NELL1: variants seen among roughly 807,000 people sequenced by gnomAD.
The protein encoded by NELL1 is protein kinase C-binding protein NELL1.
NELL1 carries 76 observed loss-of-function variants against 107.4 expected under a neutral mutation model. That is an observed-to-expected ratio of 0.71 (90% confidence interval 0.59 to 0.86). The LOEUF (loss-of-function observed/expected upper bound fraction) is 0.86. Ranked by LOEUF, NELL1 falls within the 40% of genes least tolerant of loss-of-function variation. The pLI, the probability that NELL1 is intolerant of heterozygous loss-of-function variation, is 0.00. For synonymous variants in NELL1, 353 were observed against 341.2 expected, an observed-to-expected ratio of 1.03 and a Z score of -0.38; for missense variants, 1,024 against 1,005.5, an observed-to-expected ratio of 1.02 and a Z score of -0.25.
At chr11:21,017,809 G>A (rs1016151694) in intron 12 of NELL1, among the ~76,000 whole-genome samples, 6 of 152,042 alleles carry the variant, frequency 3.9e-5, no homozygotes, top group Admixed American at 2.6e-4. Context: ...TTCTTATCAC[G>A]AGGAGCTCCC....
chr11:21,571,496 T>C (rs919949574), intron 18 of NELL1, among the ~76,000 whole-genome samples: 2 of 151,848 alleles, frequency 1.3e-5, no homozygotes, highest in African/African-American at 4.8e-5. Context: ...GAATGGGCTG[T>C]TACAAAGATT....
intron 2 of NELL1, among the ~76,000 whole-genome samples, chr11:20,711,127 T>G (rs1356204384): frequency 1.3e-5 from 2 of 152,170 alleles, no homozygotes; most frequent in African/African-American, 2.4e-5. Flanking sequence ...GATATTCTAT[T>G]TGTGCTCCTG....
chr11:21,381,357 C>T (rs1851602780), intron 15 of NELL1, among the ~76,000 whole-genome samples: 1 of 151,972 alleles, frequency 6.6e-6, no homozygotes, highest in African/African-American at 2.4e-5. Context: ...TAAGCTGCCA[C>T]TATTTACCCA....
rs577039144 is a variant in NELL1 at position 21,573,279 on chromosome 11, G to C, written c.2252G>C (p.Ser751Thr). ...LEGECCPRCV[S>T]DPCLADNITY... ...GGGGAATGTTGTCCCCGCTGTGTCAGTGACCCCTGCCTAGCTGATAACATC... is the reference window on the plus strand; with the variant it reads ...GGGGAATGTTGTCCCCGCTGTGTCACTGACCCCTGCCTAGCTGATAACATC... The change falls in exon 19 of 20, where the codon AGT becomes ACT. Residue 751 changes from serine to threonine, a missense_variant. Coordinates refer to ENST00000357134, the MANE Select transcript of NELL1 (RefSeq NM_006157.5). The C allele has an allele frequency of 6.2e-7, 1 of 1,612,538 alleles. No homozygotes were observed. Among genetic ancestry groups the C allele is most frequent in the Non-Finnish European group, 8.5e-7 (1 of 1,179,080 alleles).
intron 15 of NELL1, among the ~76,000 whole-genome samples, chr11:21,466,479 G>A (rs1470644430): frequency 6.6e-6 from 1 of 152,162 alleles, no homozygotes; most frequent in East Asian, 1.9e-4. Flanking sequence ...AAACAAGGTG[G>A]GAGCAGATGG....
chr11:21,523,876 T>A (rs904262213), intron 15 of NELL1, among the ~76,000 whole-genome samples: 1 of 152,016 alleles, frequency 6.6e-6, no homozygotes. Context: ...TTGAAAACTT[T>A]TTTCATATGT....
chr11:20,672,971 C>CT (rs1491428878), intron 1 of NELL1, among the ~76,000 whole-genome samples: 5 of 13,908 alleles, frequency 3.6e-4, no homozygotes, highest in African/African-American at 7.7e-4. Context: ...CCTGCCTCAG[C>CT]CCCCCCCCCC....
intron 14 of NELL1, among the ~76,000 whole-genome samples, chr11:21,237,265 C>A (rs980620985): frequency 6.6e-6 from 1 of 152,048 alleles, no homozygotes; most frequent in African/African-American, 2.4e-5. Flanking sequence ...AAACAACATA[C>A]ATTTTCTGTA....
chr11:21,358,204 G>A (rs996723154), intron 14 of NELL1, among the ~76,000 whole-genome samples: 2 of 152,104 alleles, frequency 1.3e-5, no homozygotes. Flanking sequence ...CCTTCGATGG[G>A]AATCACATTG....
chr11:21,058,090 A>G (rs1235973081), intron 12 of NELL1, among the ~76,000 whole-genome samples: 1 of 152,098 alleles, frequency 6.6e-6, no homozygotes, highest in African/African-American at 2.4e-5. Context: ...TTTAATACTC[A>G]CCAGTGGGCA....
intron 2 of NELL1, among the ~76,000 whole-genome samples, chr11:20,728,091 G>A (rs74628956): frequency 0.037 from 5,583 of 152,106 alleles, 354 homozygotes; most frequent in African/African-American, 0.13. Flanking sequence ...TTTGTTGGCC[G>A]TTTCTATGTA....
chr11:21,455,013 C>A (rs1945406), intron 15 of NELL1, among the ~76,000 whole-genome samples: 1 of 152,114 alleles, frequency 6.6e-6, no homozygotes, highest in Admixed American at 6.5e-5. Context: ...ATCTTTTTGT[C>A]GTAGATCCAA....
intron 4 of NELL1, among the ~76,000 whole-genome samples, chr11:20,853,104 T>A (rs1233101689): frequency 6.6e-6 from 1 of 152,174 alleles, no homozygotes; most frequent in Non-Finnish European, 1.5e-5. Flanking sequence ...TCTGTACCAG[T>A]CACATGAGTC....
intron 13 of NELL1, among the ~76,000 whole-genome samples, chr11:21,199,982 G>A (rs1022329670): frequency 2.0e-5 from 3 of 151,928 alleles, no homozygotes; most frequent in Admixed American, 1.3e-4. Flanking sequence ...GAACCCATCC[G>A]TTTTATGGCC....
At position 20,753,560 on chromosome 11, in the gene NELL1, C is replaced by T. The variant is rs144376919; in HGVS notation, c.185-30120C>T. On this transcript the variant is annotated intron_variant, in intron 2 of 19. Transcript: ENST00000357134. ...TCTTGTAATTTGTATTTTTAGGTGC[C>T]GGTCTCCTTCATTAGGCCACCACCT... 6.7e-3 allele frequency among the ~76,000 whole-genome samples: 1,024 copies of T among 151,902 alleles called. 7 individuals are homozygous for T. Among genetic ancestry groups the T allele is most frequent in the African/African-American group, 0.024 (984 of 41,216 alleles).
chr11:21,240,491 A>G (rs1858325321), intron 14 of NELL1, among the ~76,000 whole-genome samples: 1 of 151,968 alleles, frequency 6.6e-6, no homozygotes, highest in East Asian at 1.9e-4. Context: ...TTTGAAAAAT[A>G]TGTCTCAAAC....
intron 12 of NELL1, among the ~76,000 whole-genome samples, chr11:21,059,265 G>GTTTTTT (rs59203638): frequency 7.0e-6 from 1 of 142,990 alleles, no homozygotes. Context: ...GTTTTGTTTT[G>GTTTTTT]TTTTTTTTTT....
chr11:21,223,213 G>T (rs79055791), intron 13 of NELL1, among the ~76,000 whole-genome samples: 1 of 151,766 alleles, frequency 6.6e-6, no homozygotes, highest in Non-Finnish European at 1.5e-5. Context: ...TTCAGATGTA[G>T]TAACATTTGC....
At chr11:21,166,659 T>G (rs1265555849) in intron 13 of NELL1, among the ~76,000 whole-genome samples, 1 of 151,904 alleles carries the variant, frequency 6.6e-6, no homozygotes, top group African/African-American at 2.4e-5. Flanking sequence ...ATCTGTCTTT[T>G]CTCTAGTATT....
Sources: gnomAD v4.1 joint callset for allele counts (sites outside exome capture counted in the v4.1 genomes callset) on GRCh38, gnomAD v4.1.1 for gene constraint, MANE v1.5 for transcripts, NCBI Gene and HGNC (gene_info 2026-07-23, HGNC 2026-07-21) for gene names.